Variants in ANXA5 observed in about 807,000 individuals in gnomAD.
The protein encoded by ANXA5 is annexin A5.
ANXA5 carries 40 observed loss-of-function variants against 48.1 expected under a neutral mutation model. The observed-to-expected ratio is 0.83, with a 90% confidence interval of 0.65 to 1.08. The LOEUF (loss-of-function observed/expected upper bound fraction) is 1.08. ANXA5 is among the 50% of genes least tolerant of loss of function. ANXA5 has a pLI of 0.00. For missense variants in ANXA5, 357 were observed against 376.8 expected (o/e 0.95, Z 0.44); for synonymous variants, 113 against 129.1 (o/e 0.88, Z 0.85).
At chr4:121,689,911 G>C (rs1724953197) in intron 2 of ANXA5, among the ~76,000 whole-genome samples, 1 of 152,144 alleles carries the variant, frequency 6.6e-6, no homozygotes, top group Non-Finnish European at 1.5e-5. Context: ...GGGTGATTCT[G>C]TTTTTTGGAT....
At position 121,669,690 on chromosome 4, in the gene ANXA5, A is replaced by C. The variant is rs144137009; in HGVS notation, c.815T>G (p.Val272Gly). 6.2e-6 allele frequency: 10 copies of C among 1,612,570 alleles called. No homozygotes were observed. The highest frequency in any genetic ancestry group is 6.8e-6 in the Non-Finnish European group (8 of 1,179,522). ...AGTDDHTLIR[V>G]MVSRSEIDLF... ...ATCAATCTCACTCCTGGAAACCATG[A>C]CTCTGATGAGGGTATGATCATCTGT... Residue 272 changes from valine (V) to glycine (G), a missense_variant, in exon 12 of 13, where the codon GTC (valine) becomes GGC (glycine). By Grantham distance (109) the Val-to-Gly change is moderately radical. Coordinates refer to ENST00000296511, the MANE Select transcript of ANXA5 (RefSeq NM_001154.4).
intron 8 of ANXA5, 21 bp downstream of exon 8, chr4:121,677,873 T>G: frequency 6.3e-7 from 1 of 1,598,444 alleles, no homozygotes; most frequent in Non-Finnish European, 8.6e-7. Context: ...AATAAAGTCA[T>G]CATATCCTGG....
Position 121,683,928 on chromosome 4 carries a change from C to T in ANXA5, c.190-451G>A, listed in dbSNP as rs116074917. On this transcript the variant is annotated intron_variant, in intron 4 of 12. Coordinates refer to ENST00000296511, the MANE Select transcript of ANXA5 (RefSeq NM_001154.4). ...ATTCAAACACATAATAGATTATAGTCATTGTTATGACTCCTGACCACTGGG... is the reference window on the plus strand; with the variant it reads ...ATTCAAACACATAATAGATTATAGTTATTGTTATGACTCCTGACCACTGGG... 2.8e-3 allele frequency among the ~76,000 whole-genome samples: 419 copies of T among 151,684 alleles called. 5 individuals carry two copies. Among genetic ancestry groups the T allele is most frequent in the African/African-American group, 9.7e-3 (401 of 41,382 alleles).
intron 2 of ANXA5, 85 bp from the exon 3 acceptor site, chr4:121,686,457 T>C (rs1724892458): frequency 1.0e-6 from 1 of 956,112 alleles, no homozygotes; most frequent in East Asian, 2.4e-5. Flanking sequence ...GCTTGCTATA[T>C]ATCATATTCA....
chr4:121,691,866 G>A (rs1192398907), intron 2 of ANXA5, among the ~76,000 whole-genome samples: 1 of 152,052 alleles, frequency 6.6e-6, no homozygotes, highest in Non-Finnish European at 1.5e-5. Flanking sequence ...CATAAAAGAG[G>A]GAAATGTCAG....
chr4:121,668,798 T>C (rs1430783093), intron 12 of ANXA5, among the ~76,000 whole-genome samples: 1 of 151,722 alleles, frequency 6.6e-6, no homozygotes, highest in African/African-American at 2.4e-5. Flanking sequence ...TATCACTTGG[T>C]ATATATCAGC....
chr4:121,686,221 T>C, intron 3 of ANXA5, 67 bp downstream of exon 3: 1 of 1,151,646 alleles, frequency 8.7e-7, no homozygotes, highest in South Asian at 1.3e-5. Flanking sequence ...TTATTCTTAC[T>C]GTAATTAATG....
At chr4:121,692,077 T>C (rs1724996071) in intron 2 of ANXA5, among the ~76,000 whole-genome samples, 1 of 152,198 alleles carries the variant, frequency 6.6e-6, no homozygotes, top group African/African-American at 2.4e-5. Flanking sequence ...GGCCTATTGC[T>C]TACTTTTGTG....
At chr4:121,687,244 G>A (rs376370784) in intron 2 of ANXA5, among the ~76,000 whole-genome samples, 12 of 149,808 alleles carry the variant, frequency 8.0e-5, no homozygotes, top group Middle Eastern at 3.5e-3. Context: ...AGCTTGCAGT[G>A]AGCCAAGATC....
chr4:121,673,976 G>C (rs1028293693), intron 8 of ANXA5, among the ~76,000 whole-genome samples: 2 of 151,802 alleles, frequency 1.3e-5, no homozygotes, highest in East Asian at 3.9e-4. Context: ...GAGCCCAGGA[G>C]TTCAAGACCA....
intron 2 of ANXA5, among the ~76,000 whole-genome samples, chr4:121,696,154 G>GA (rs910431256): frequency 7.5e-5 from 5 of 66,260 alleles, no homozygotes; most frequent in Non-Finnish European, 1.1e-4. Context: ...AAACTTTGCG[G>GA]AAAAAAAATA....
intron 4 of ANXA5, among the ~76,000 whole-genome samples, chr4:121,683,896 T>C (rs1724833429): frequency 6.6e-6 from 1 of 152,120 alleles, no homozygotes; most frequent in Non-Finnish European, 1.5e-5. Flanking sequence ...TCTCAATATG[T>C]AATAACATTC....
At chr4:121,676,290 T>C (rs112777688) in intron 8 of ANXA5, among the ~76,000 whole-genome samples, 3,046 of 152,276 alleles carry the variant, frequency 0.02, 37 homozygotes, top group East Asian at 0.042. Flanking sequence ...CCTTTAATGA[T>C]AGAGAAAATC....
chr4:121,676,096 A>C (rs1724693942), intron 8 of ANXA5, among the ~76,000 whole-genome samples: 1 of 152,194 alleles, frequency 6.6e-6, no homozygotes, highest in Non-Finnish European at 1.5e-5. Context: ...TCTTGACAGT[A>C]GGAATGAGAG....
chr4:121,668,217 TGG>T lies in ANXA5; in HGVS notation c.*249_*250del. ...TAGCCTCTTAAAAAATATATATAAA[TGG>T]AAAATGGCCAGGCATTAAACTTAGT... On this transcript the variant is annotated 3_prime_UTR_variant, in exon 13 of 13. Transcript: ENST00000296511. 1 of 329,598 alleles carries T rather than the reference TGG, an allele frequency of 3.0e-6. No individual in the cohort carries two copies. The highest frequency in any genetic ancestry group is 5.5e-6 in the Non-Finnish European group (1 of 182,170). 20.4% of individuals were successfully genotyped at this position (329,598 alleles called of 1,614,324 possible). A position where few individuals can be genotyped will look rare whatever the true frequency, so the allele number is the denominator to read the frequency against.
chr4:121,684,725 A>G lies in ANXA5; in HGVS notation c.141T>C (p.Asn47=). The part of the protein sequence containing the change: ...SILTLLTSRS[N]AQRQEISAAF... ...CTGCAGAGATTTCCTGGCGCTGAGCATTACTTCGGGATGTCAACAGAGTCA... is the reference window on the plus strand; with the variant it reads ...CTGCAGAGATTTCCTGGCGCTGAGCGTTACTTCGGGATGTCAACAGAGTCA... The change falls in exon 4 of 13, where the codon AAT becomes AAC. Residue 47 remains asparagine (N), a synonymous_variant. Transcript: ENST00000296511. 6.2e-7 allele frequency: 1 copy of G among 1,614,064 alleles called. No individual in the cohort carries two copies. Among genetic ancestry groups the G allele is most frequent in the Non-Finnish European group, 8.5e-7 (1 of 1,179,970 alleles).
chr4:121,683,157 T>C (rs1413686295), intron 5 of ANXA5, among the ~76,000 whole-genome samples: 1 of 152,006 alleles, frequency 6.6e-6, no homozygotes, highest in East Asian at 1.9e-4. Context: ...CCAGTATTAT[T>C]GAGTTTAAAT....
At chr4:121,695,665 G>C (rs571964543) in intron 2 of ANXA5, among the ~76,000 whole-genome samples, 13 of 152,238 alleles carry the variant, frequency 8.5e-5, no homozygotes, top group Admixed American at 5.9e-4. Flanking sequence ...ACAGTCCTGA[G>C]GCCGAGGCGG....
At chr4:121,692,957 G>C (rs997196884) in intron 2 of ANXA5, among the ~76,000 whole-genome samples, 6 of 152,238 alleles carry the variant, frequency 3.9e-5, no homozygotes, top group African/African-American at 1.4e-4. Context: ...TGTCCCACCA[G>C]GCGCAGTGGC....
Sources: allele counts gnomAD v4.1 joint callset (sites outside exome capture counted in the v4.1 genomes callset), GRCh38; gene constraint gnomAD v4.1.1; transcripts MANE v1.5; gene names NCBI Gene and HGNC (gene_info 2026-07-23, HGNC 2026-07-21).